The following LINGO2 variants were observed in gnomAD, a reference collection of about 807,000 sequenced individuals.
LINGO2 encodes the protein leucine rich repeat and Ig domain containing 2, also known as leucine-rich repeat and immunoglobulin-like domain-containing nogo receptor-interacting protein 2.
LINGO2 carries 14 observed loss-of-function variants against 30.6 expected under a neutral mutation model. That is an observed-to-expected ratio of 0.46 (90% confidence interval 0.30 to 0.72). The LOEUF is 0.72. LINGO2 is among the 30% of genes least tolerant of loss of function. The probability of loss-of-function intolerance (pLI) is 0.07; values close to 1 mark genes in which losing one functional copy is unlikely to be tolerated. For missense variants in LINGO2, 729 were observed against 751.7 expected (o/e 0.97, Z 0.35); for synonymous variants, 317 against 288.5 (o/e 1.10, Z -1.00).
chr9:28,002,695 A>G (rs1822021975), intron 5 of LINGO2, among the ~76,000 whole-genome samples: 1 of 152,140 alleles, frequency 6.6e-6, no homozygotes, highest in Admixed American at 6.5e-5. Flanking sequence ...GAATAACGCC[A>G]TTTCAGTCAA....
At chr9:28,872,982 C>T in the LINGO2 span, among the ~76,000 whole-genome samples, 2 of 152,066 alleles carry the variant, frequency 1.3e-5, no homozygotes, top group African/African-American at 4.8e-5. Context: ...ATCAGTTAAA[C>T]ATAATCCATA....
At chr9:29,059,539 C>T in the LINGO2 span, among the ~76,000 whole-genome samples, 1 of 151,640 alleles carries the variant, frequency 6.6e-6, no homozygotes, top group Admixed American at 6.6e-5. Context: ...GACAAATAGA[C>T]GAATGAAACA....
intron 2 of LINGO2, among the ~76,000 whole-genome samples, chr9:28,453,337 G>A (rs1218109838): frequency 6.6e-6 from 1 of 151,818 alleles, no homozygotes; most frequent in Admixed American, 6.6e-5. Flanking sequence ...CAAATGCTCG[G>A]TTAATTTTTT....
intron 2 of LINGO2, among the ~76,000 whole-genome samples, chr9:28,467,177 C>G (rs982827720): frequency 6.6e-6 from 1 of 152,066 alleles, no homozygotes; most frequent in Admixed American, 6.5e-5. Flanking sequence ...AGGTACCCAC[C>G]ACCACGCCTG....
At chr9:28,284,133 A>C (rs868544506) in intron 4 of LINGO2, among the ~76,000 whole-genome samples, 54 of 152,216 alleles carry the variant, frequency 3.5e-4, no homozygotes, top group Middle Eastern at 6.8e-3. Flanking sequence ...ACTGCAGTAC[A>C]TCCCTGAATC....
At chr9:29,206,268 A>G in the LINGO2 span, among the ~76,000 whole-genome samples, 1 of 152,224 alleles carries the variant, frequency 6.6e-6, no homozygotes, top group African/African-American at 2.4e-5. Context: ...AAGAGGAACT[A>G]TAAAGACAAT....
intron 4 of LINGO2, among the ~76,000 whole-genome samples, chr9:28,254,233 A>G (rs534388722): frequency 2.0e-5 from 3 of 152,252 alleles, no homozygotes; most frequent in East Asian, 1.9e-4. Context: ...TAACATTAAT[A>G]TTAACAATGC....
Position 28,661,707 on chromosome 9 carries a change from T to G in LINGO2, c.-365+8493A>C, listed in dbSNP as rs77558220. Among the ~76,000 whole-genome samples the G allele has an allele frequency of 9.3e-3, 1,421 of 152,216 alleles. 30 individuals carry two copies. Among genetic ancestry groups the G allele is most frequent in the East Asian group, 0.081 (419 of 5,174 alleles). On this transcript the variant is annotated intron_variant, in intron 1 of 5. Transcript: ENST00000379992. ...TTTGAGACATGGAAATCTTCAAAAATGATAGATTTAAAGTTACATTTTTAA... is the reference window on the plus strand; with the variant it reads ...TTTGAGACATGGAAATCTTCAAAAAGGATAGATTTAAAGTTACATTTTTAA...
chr9:28,573,266 G>A (rs1263803946), intron 1 of LINGO2, among the ~76,000 whole-genome samples: 1 of 152,078 alleles, frequency 6.6e-6, no homozygotes, highest in Admixed American at 6.6e-5. Flanking sequence ...AAATAATCCA[G>A]ATTATTGAAG....
At chr9:28,151,245 A>G (rs1444933319) in intron 4 of LINGO2, among the ~76,000 whole-genome samples, 1 of 152,106 alleles carries the variant, frequency 6.6e-6, no homozygotes, top group East Asian at 1.9e-4. Context: ...AATAACTATA[A>G]TTCATTATAG....
chr9:28,173,095 C>T (rs956903619), intron 4 of LINGO2, among the ~76,000 whole-genome samples: 7 of 152,170 alleles, frequency 4.6e-5, no homozygotes, highest in African/African-American at 1.7e-4. Flanking sequence ...AAAATACTCT[C>T]ATTGATTGTA....
At chr9:28,519,854 T>C (rs1820765733) in intron 1 of LINGO2, among the ~76,000 whole-genome samples, 1 of 152,230 alleles carries the variant, frequency 6.6e-6, no homozygotes, top group African/African-American at 2.4e-5. Flanking sequence ...TAAGAAGTTT[T>C]TGCCCAGCCC....
chr9:28,754,017 A>ACAC, the LINGO2 span, among the ~76,000 whole-genome samples: 2 of 146,024 alleles, frequency 1.4e-5, no homozygotes, highest in African/African-American at 5.1e-5. Context: ...CACACACACA[A>ACAC]ACACACACAC....
intron 2 of LINGO2, among the ~76,000 whole-genome samples, chr9:28,421,467 C>T (rs1397805376): frequency 6.9e-6 from 1 of 145,940 alleles, no homozygotes; most frequent in African/African-American, 2.5e-5. Context: ...CAAGGGACAA[C>T]AAATAGCCAA....
chr9:29,028,020 T>C, the LINGO2 span, among the ~76,000 whole-genome samples: 1 of 152,100 alleles, frequency 6.6e-6, no homozygotes, highest in Non-Finnish European at 1.5e-5. Context: ...TTCAGGCAAA[T>C]AGGCTATGCT....
At chr9:28,430,812 C>G (rs1823637162) in intron 2 of LINGO2, among the ~76,000 whole-genome samples, 2 of 152,166 alleles carry the variant, frequency 1.3e-5, no homozygotes, top group South Asian at 4.1e-4. Flanking sequence ...GGCTCAAGGT[C>G]TCTCATTACA....
rs905419958 is a variant in LINGO2, at chr9:28,110,127, A to G, written c.-86-97722T>C. Among the ~76,000 whole-genome samples the G allele has an allele frequency of 1.1e-4, 17 of 152,246 alleles. 1 individual carries two copies. The highest frequency in any genetic ancestry group is 1.1e-3 in the Admixed American group (17 of 15,282). On this transcript the variant is annotated intron_variant, in intron 4 of 5. Coordinates refer to ENST00000379992, the Ensembl canonical transcript of LINGO2. ...TAATCTGATCTTCAACAAACTTGAC[A>G]AAAACAAGCAATGGGGAAAAATTTC...
At chr9:29,002,831 AG>A in the LINGO2 span, among the ~76,000 whole-genome samples, 811 of 152,050 alleles carry the variant, frequency 5.3e-3, 7 homozygotes, top group African/African-American at 0.019. Context: ...AGTTTGGCAC[AG>A]GTGTCATTAG....
At chr9:28,047,057 A>C (rs1295765469) in intron 4 of LINGO2, among the ~76,000 whole-genome samples, 1 of 152,120 alleles carries the variant, frequency 6.6e-6, no homozygotes, top group East Asian at 1.9e-4. Context: ...GATTGTAGGG[A>C]ACCCAAACAA....
Sources: allele counts gnomAD v4.1 joint callset (sites outside exome capture counted in the v4.1 genomes callset), GRCh38; gene constraint gnomAD v4.1.1; transcripts MANE v1.5; gene names NCBI Gene and HGNC (gene_info 2026-07-23, HGNC 2026-07-21).